USP40: variants seen among roughly 807,000 people sequenced by gnomAD.
The protein encoded by USP40 is ubiquitin specific peptidase 40, also known as ubiquitin carboxyl-terminal hydrolase 40.
A neutral mutation model predicts 166.2 loss-of-function variants in USP40; 143 were observed. The observed-to-expected ratio is 0.86, with a 90% CI of 0.75 to 0.99. The LOEUF (loss-of-function observed/expected upper bound fraction) is 0.99. USP40 is among the 50% of genes least tolerant of loss of function. USP40 has a pLI of 0.00. For missense variants in USP40, 1,444 were observed against 1,479.7 expected, an observed-to-expected ratio of 0.98 and a Z score of 0.40; for synonymous variants, 498 against 524.0, an observed-to-expected ratio of 0.95 and a Z score of 0.68.
In USP40 at chr2:233,523,397, A is replaced by G. The variant is rs1370410918; in HGVS notation, c.1974T>C (p.Cys658=). ...HLDTSSDGEK[C]CQVIESPHVF... ...CATGTGGAGATTCTATCACCTGACA[A>G]CACTTTTCTCCATCACTGCTTGTGT... The change falls in exon 16 of 32, where the codon TGT becomes TGC. Residue 658 remains cysteine (C), a synonymous_variant. Coordinates refer to ENST00000678225, the MANE Select transcript of USP40 (RefSeq NM_001365479.2). The G allele has an allele frequency of 6.2e-7, 1 of 1,613,842 alleles. No individual in the cohort carries two copies.
At chr2:233,485,185 C>T (rs529388849) in intron 30 of USP40, among the ~76,000 whole-genome samples, 11 of 152,332 alleles carry the variant, frequency 7.2e-5, no homozygotes, top group South Asian at 4.1e-4. Context: ...CGCTGCCCTC[C>T]TCACATTCCT....
chr2:233,499,743 A>T, intron 22 of USP40, 136 bp downstream of exon 22: 1 of 645,624 alleles, frequency 1.5e-6, no homozygotes, highest in Non-Finnish European at 2.7e-6. Flanking sequence ...TTCATTATGT[A>T]CATATGGAAG....
intron 2 of USP40, among the ~76,000 whole-genome samples, chr2:233,564,178 A>C (rs1190477687): frequency 6.6e-6 from 1 of 152,196 alleles, no homozygotes; most frequent in Non-Finnish European, 1.5e-5. Flanking sequence ...GTAAATATTT[A>C]CTAAATCTCT....
intron 25 of USP40, 165 bp from the exon 26 acceptor site, chr2:233,491,426 A>G: frequency 1.6e-6 from 1 of 626,860 alleles, no homozygotes; most frequent in African/African-American, 1.8e-5. Flanking sequence ...GTAAGCAGGC[A>G]GGGACATGTT....
At chr2:233,494,566 C>G (rs991499869) in intron 24 of USP40, among the ~76,000 whole-genome samples, 5 of 151,786 alleles carry the variant, frequency 3.3e-5, no homozygotes, top group Admixed American at 2.0e-4. Context: ...CTTCAAGGAC[C>G]CTCTTTAAAA....
intron 28 of USP40, chr2:233,487,992 G>A: frequency 1.5e-6 from 1 of 663,146 alleles, no homozygotes; most frequent in South Asian, 1.5e-5. Context: ...GGGCCATCAT[G>A]GGGTCAATAT....
chr2:233,544,083 G>A (rs948047288), intron 8 of USP40, among the ~76,000 whole-genome samples: 1 of 152,036 alleles, frequency 6.6e-6, no homozygotes, highest in Admixed American at 6.5e-5. Flanking sequence ...AACTACATAC[G>A]GAGTCCCTAG....
chr2:233,535,300 A>G (rs960761936), intron 10 of USP40, among the ~76,000 whole-genome samples: 1 of 152,246 alleles, frequency 6.6e-6, no homozygotes, highest in African/African-American at 2.4e-5. Context: ...AGAAAGAACA[A>G]GGAGTTCAAG....
chr2:233,505,548 A>G (rs2066362497), intron 21 of USP40, among the ~76,000 whole-genome samples: 1 of 152,190 alleles, frequency 6.6e-6, no homozygotes, highest in Admixed American at 6.5e-5. Context: ...ATTATGAACA[A>G]CTACTTGCCA....
chr2:233,559,714 C>G (rs959799706), intron 4 of USP40, 97 bp downstream of exon 4: 23 of 771,034 alleles, frequency 3.0e-5, no homozygotes, highest in Non-Finnish European at 4.4e-5. Context: ...TATGTTGAGA[C>G]CCTAAGACAA....
rs141264208 is a variant in USP40 at position 233,495,220 on chromosome 2, T to C, written c.2790+1538A>G. 1.1e-3 allele frequency among the ~76,000 whole-genome samples: 167 copies of C among 151,490 alleles called. 2 individuals carry two copies. In the East Asian group the frequency reaches 0.024, roughly 22 times the overall value. On this transcript the variant is annotated intron_variant, in intron 24 of 31. Coordinates refer to ENST00000678225, the MANE Select transcript of USP40 (RefSeq NM_001365479.2). ...GAAAAAAATCTAGGTACAGAATAGG[T>C]TGCCTAGCAAATAATCTTTTGTGCA...
At chr2:233,522,258 C>T (rs753385172) in intron 16 of USP40, among the ~76,000 whole-genome samples, 1 of 152,176 alleles carries the variant, frequency 6.6e-6, no homozygotes, top group Non-Finnish European at 1.5e-5. Context: ...ATTAACACTG[C>T]ATGCTGAGAA....
chr2:233,542,539 C>A, intron 8 of USP40, 176 bp from the exon 9 acceptor site: 1 of 498,898 alleles, frequency 2.0e-6, no homozygotes. Flanking sequence ...GAGAGACCAG[C>A]ACACTCTACA....
At chr2:233,499,788 A>ATTTTTTT in intron 22 of USP40, 91 bp downstream of exon 22, 1 of 1,070,816 alleles carries the variant, frequency 9.3e-7, no homozygotes. Flanking sequence ...CACCCTATAA[A>ATTTTTTT]TTTTTTTTTC....
chr2:233,563,549 G>A (rs374878010), intron 2 of USP40, among the ~76,000 whole-genome samples: 1 of 151,972 alleles, frequency 6.6e-6, no homozygotes, highest in African/African-American at 2.4e-5. Context: ...GCTGGGACTC[G>A]GCAAAAATGA....
intron 4 of USP40, among the ~76,000 whole-genome samples, chr2:233,559,211 A>C (rs2071363104): frequency 6.6e-6 from 1 of 152,216 alleles, no homozygotes; most frequent in Non-Finnish European, 1.5e-5. Context: ...TGCCTTTTAG[A>C]ACTCAAACAG....
chr2:233,529,621 A>G (rs2125256189), intron 11 of USP40, 109 bp from the exon 12 acceptor site: 4 of 654,140 alleles, frequency 6.1e-6, no homozygotes, highest in Non-Finnish European at 7.5e-6. Flanking sequence ...GAAAGCTGCT[A>G]CTAATTAGCT....
intron 18 of USP40, among the ~76,000 whole-genome samples, chr2:233,515,760 C>T (rs1012832690): frequency 6.6e-6 from 1 of 152,054 alleles, no homozygotes; most frequent in Non-Finnish European, 1.5e-5. Flanking sequence ...AAAACCTTTC[C>T]TTATGATAAA....
At chr2:233,509,206 T>C (rs1227298639) in intron 21 of USP40, among the ~76,000 whole-genome samples, 1 of 152,312 alleles carries the variant, frequency 6.6e-6, no homozygotes, top group South Asian at 2.1e-4. Context: ...AAAAAATATA[T>C]GAAGCTCATT....
Sources: gnomAD v4.1 joint callset for allele counts (sites outside exome capture counted in the v4.1 genomes callset) on GRCh38, gnomAD v4.1.1 for gene constraint, MANE v1.5 for transcripts, NCBI Gene and HGNC (gene_info 2026-07-23, HGNC 2026-07-21) for gene names.